Variants in DIAPH2 observed in about 807,000 individuals in gnomAD.
DIAPH2 encodes the protein diaphanous related formin 2.
Under a neutral mutation model 92.7 loss-of-function variants are expected in DIAPH2, and 35 were observed. That is an observed-to-expected ratio of 0.38 (90% confidence interval 0.29 to 0.50). DIAPH2 has a LOEUF of 0.50. DIAPH2 is among the 20% of genes least tolerant of loss of function. The probability of loss-of-function intolerance (pLI) is 0.94; values close to 1 mark genes in which losing one functional copy is unlikely to be tolerated. For missense variants in DIAPH2, 701 were observed against 819.5 expected (o/e 0.86, Z 1.77); for synonymous variants, 301 against 280.4 (o/e 1.07, Z -0.73).
intron 4 of DIAPH2, among the ~76,000 whole-genome samples, chrX:96,867,435 G>A (rs936013364): frequency 2.7e-5 from 3 of 111,139 alleles, no homozygotes; most frequent in Admixed American, 9.7e-5. Flanking sequence ...GGCCAGGCTG[G>A]TCTCGAGCTC....
chrX:97,339,657 T>G (rs1022425631), intron 23 of DIAPH2, among the ~76,000 whole-genome samples: 2 of 112,511 alleles, frequency 1.8e-5, no homozygotes, highest in African/African-American at 6.4e-5. Context: ...CCTTGCAGTG[T>G]TTTAAAATGC....
intron 25 of DIAPH2, among the ~76,000 whole-genome samples, chrX:97,393,188 C>G (rs1018222459): frequency 1.8e-5 from 2 of 111,220 alleles, no homozygotes; most frequent in Non-Finnish European, 3.8e-5. Context: ...ATACCTGATT[C>G]TCTCTTCAAA....
rs185339250 is a variant in DIAPH2 at position 97,086,602 on chromosome X, C to T, written c.2247+11341C>T. Among the ~76,000 whole-genome samples the T allele has an allele frequency of 3.7e-3, 418 of 111,636 alleles. 5 individuals carry two copies. The highest frequency in any genetic ancestry group is 0.013 in the African/African-American group (407 of 30,678). On this transcript the variant is annotated intron_variant, in intron 19 of 26. Transcript: ENST00000324765. ...TGTTAATTAGCTTGATTTAGTCATT[C>T]CACAGTGTATACATATATCAAAACA...
intron 2 of DIAPH2, 84 bp from the exon 3 acceptor site, chrX:96,738,502 T>C (rs1237292550): frequency 1.3e-6 from 1 of 755,899 alleles, no homozygotes; most frequent in Non-Finnish European, 1.9e-6. Context: ...TTATACTAAG[T>C]GCCGTTTTGA....
At chrX:97,428,088 A>G (rs1037732320) in intron 25 of DIAPH2, among the ~76,000 whole-genome samples, 4 of 110,500 alleles carry the variant, frequency 3.6e-5, no homozygotes, top group Non-Finnish European at 7.6e-5. Context: ...TGAGAACCTC[A>G]GTGTTTCTCT....
intron 23 of DIAPH2, among the ~76,000 whole-genome samples, chrX:97,248,188 T>G (rs991570154): frequency 9.0e-6 from 1 of 111,230 alleles, no homozygotes; most frequent in South Asian, 3.7e-4. Context: ...AACAGAAGGT[T>G]TTTTTTTGTC....
At chrX:97,084,161 C>T (rs971605013) in intron 19 of DIAPH2, among the ~76,000 whole-genome samples, 1 of 110,833 alleles carries the variant, frequency 9.0e-6, no homozygotes, top group Middle Eastern at 4.7e-3. Flanking sequence ...GTAACGACTT[C>T]TTCTCTGAAG....
chrX:97,144,553 G>A (rs1446693880), intron 22 of DIAPH2, among the ~76,000 whole-genome samples: 1 of 109,186 alleles, frequency 9.2e-6, no homozygotes, highest in Non-Finnish European at 1.9e-5. Context: ...TACCCCATAA[G>A]TATACAAATA....
At chrX:97,454,367 A>C (rs1269085934) in intron 26 of DIAPH2, among the ~76,000 whole-genome samples, 1 of 111,060 alleles carries the variant, frequency 9.0e-6, no homozygotes, top group East Asian at 2.8e-4. Flanking sequence ...CAGACTGTAT[A>C]ATTGGTCTCA....
At chrX:96,850,150 A>G (rs2064998160) in intron 4 of DIAPH2, among the ~76,000 whole-genome samples, 1 of 111,513 alleles carries the variant, frequency 9.0e-6, no homozygotes, top group African/African-American at 3.3e-5. Context: ...ACCCCACTGG[A>G]CCAAATCCTA....
At chrX:97,367,962 C>T (rs2069399015) in intron 24 of DIAPH2, among the ~76,000 whole-genome samples, 3 of 111,979 alleles carry the variant, frequency 2.7e-5, no homozygotes, top group African/African-American at 6.5e-5. Flanking sequence ...TGCCTCGCTT[C>T]GGCCTCCCAA....
intron 4 of DIAPH2, among the ~76,000 whole-genome samples, chrX:96,801,941 C>T (rs2064585603): frequency 9.0e-6 from 1 of 111,503 alleles, no homozygotes; most frequent in South Asian, 3.7e-4. Context: ...TATTACAGCT[C>T]AGTGAGTTAT....
intron 3 of DIAPH2, among the ~76,000 whole-genome samples, chrX:96,748,419 G>C (rs1345262394): frequency 1.8e-5 from 2 of 111,986 alleles, no homozygotes; most frequent in African/African-American, 6.5e-5. Context: ...TTAGCCCTGT[G>C]TAGGGGCTCA....
intron 1 of DIAPH2, among the ~76,000 whole-genome samples, chrX:96,707,784 G>A (rs2063895018): frequency 8.9e-6 from 1 of 111,967 alleles, no homozygotes; most frequent in South Asian, 3.8e-4. Flanking sequence ...GGTAATTTTG[G>A]TTTCTTTCTC....
At chrX:96,980,772 T>C (rs2065991204) in intron 17 of DIAPH2, among the ~76,000 whole-genome samples, 1 of 110,306 alleles carries the variant, frequency 9.1e-6, no homozygotes, top group Admixed American at 9.7e-5. Flanking sequence ...GAGATCTATA[T>C]AATTGAGTCT....
At chrX:97,544,062 T>C (rs1040347041) in intron 26 of DIAPH2, among the ~76,000 whole-genome samples, 1 of 111,777 alleles carries the variant, frequency 8.9e-6, no homozygotes, top group African/African-American at 3.3e-5. Context: ...AAGTGCATTA[T>C]TGACCATTGA....
chrX:97,157,065 A>T (rs867957346), intron 22 of DIAPH2, among the ~76,000 whole-genome samples: 34 of 111,438 alleles, frequency 3.1e-4, no homozygotes, highest in South Asian at 1.1e-3. Context: ...CTGTAATCCC[A>T]GCACTTTGGG....
intron 26 of DIAPH2, chrX:97,555,571 C>T: frequency 3.9e-6 from 1 of 258,275 alleles, no homozygotes; most frequent in Non-Finnish European, 5.4e-6. Flanking sequence ...AAGTTAGAAA[C>T]AGATGAAGAA....
intron 25 of DIAPH2, among the ~76,000 whole-genome samples, chrX:97,416,084 A>T (rs747060268): frequency 8.9e-6 from 1 of 112,257 alleles, no homozygotes; most frequent in Non-Finnish European, 1.9e-5. Flanking sequence ...TTAATTGAGA[A>T]AGAATCCAGA....
Sources: gnomAD v4.1 joint callset for allele counts (sites outside exome capture counted in the v4.1 genomes callset) on GRCh38, gnomAD v4.1.1 for gene constraint, MANE v1.5 for transcripts, NCBI Gene and HGNC (gene_info 2026-07-23, HGNC 2026-07-21) for gene names.